LMF1: variants seen among roughly 807,000 people sequenced by gnomAD.
The protein encoded by LMF1 is transmembrane protein 112.
LMF1 carries 68 observed loss-of-function variants against 60.6 expected under a neutral mutation model. That is an observed-to-expected ratio of 1.12 (90% CI 0.92 to 1.37). The LOEUF is 1.37. Ranked by LOEUF, LMF1 falls within the 40% of genes most tolerant of loss-of-function variation. The pLI, the probability that LMF1 is intolerant of heterozygous loss-of-function variation, is 0.00. For missense variants in LMF1, 948 were observed against 767.2 expected (o/e 1.24, Z -2.78); for synonymous variants, 418 against 324.7 (o/e 1.29, Z -3.09).
chr16:901,074 C>CG (rs2070799679), intron 4 of LMF1: 1 of 142,086 alleles, frequency 7.0e-6, no homozygotes, highest in Non-Finnish European at 1.5e-5. Context: ...GGTAGGGAGT[C>CG]GGGGGAGGGT....
At chr16:926,654 C>A (rs1177769125) in intron 3 of LMF1, among the ~76,000 whole-genome samples, 1 of 152,248 alleles carries the variant, frequency 6.6e-6, no homozygotes, top group Non-Finnish European at 1.5e-5. Flanking sequence ...ACAAGCGCCA[C>A]CAAAGCTGCG....
intron 2 of LMF1, among the ~76,000 whole-genome samples, chr16:943,453 T>C (rs1357289567): frequency 6.8e-6 from 1 of 147,944 alleles, no homozygotes; most frequent in East Asian, 2.1e-4. Context: ...AGGCTGGGTG[T>C]GGTAGTTCAT....
intron 5 of LMF1, among the ~76,000 whole-genome samples, chr16:886,659 C>CGGCA (rs1297328275): frequency 0.12 from 1 of 8 alleles, no homozygotes; most frequent in Admixed American, 0.5. Context: ...TCCCCAGGCC[C>CGGCA]CTCCCACCCT....
intron 3 of LMF1, among the ~76,000 whole-genome samples, chr16:916,060 G>A (rs1404093617): frequency 3.3e-5 from 5 of 152,188 alleles, no homozygotes; most frequent in Admixed American, 1.3e-4. Context: ...GAGGGATGAG[G>A]GGCCAGTGGG....
chr16:930,810 T>C (rs1188024204), intron 3 of LMF1, among the ~76,000 whole-genome samples: 2 of 152,154 alleles, frequency 1.3e-5, no homozygotes, highest in African/African-American at 4.8e-5. Flanking sequence ...TGGCAGCCTC[T>C]GCAGACTGCT....
chr16:971,030 G>GCCCATTCT, upstream of LMF1: 1 of 1,366,066 alleles, frequency 7.3e-7, no homozygotes, highest in Non-Finnish European at 9.5e-7. Flanking sequence ...CGGAGGCCCC[G>GCCCATTCT]CCCATTCTCG....
chr16:902,387 G>C (rs1266250525), intron 4 of LMF1: 1 of 153,136 alleles, frequency 6.5e-6, no homozygotes, highest in Non-Finnish European at 1.5e-5. Context: ...AAGCCACTGA[G>C]GGAACACAGC....
intron 3 of LMF1, among the ~76,000 whole-genome samples, chr16:932,752 G>A (rs1039698827): frequency 6.6e-6 from 1 of 152,174 alleles, no homozygotes; most frequent in South Asian, 2.1e-4. Context: ...AATTTACTAA[G>A]AAAAGATTTG....
intron 1 of LMF1, chr16:976,708 G>A (rs772698126): frequency 4.4e-6 from 2 of 454,158 alleles, no homozygotes; most frequent in Non-Finnish European, 8.8e-6. Flanking sequence ...CCCGCTCCCA[G>A]CCTGGAGTGA....
chr16:931,866 T>A, intron 3 of LMF1: 1 of 1,208,120 alleles, frequency 8.3e-7, no homozygotes. Context: ...CATTAATGAG[T>A]CAACAATTCG....
At chr16:976,092 A>G in intron 1 of LMF1, 1 of 365,256 alleles carries the variant, frequency 2.7e-6, no homozygotes, top group South Asian at 2.0e-5. Flanking sequence ...ACAAACGCTG[A>G]TTTTTCTGGA....
intron 1 of LMF1, among the ~76,000 whole-genome samples, chr16:969,907 G>A (rs116938627): frequency 0.012 from 1,847 of 152,348 alleles, 25 homozygotes; most frequent in South Asian, 0.099. Context: ...GGGAGAGAGG[G>A]AGTTGGAATC....
intron 1 of LMF1, 39 bp downstream of exon 1, chr16:970,749 G>T: frequency 6.7e-7 from 1 of 1,489,222 alleles, no homozygotes; most frequent in Non-Finnish European, 9.0e-7. Flanking sequence ...GTGCGCGGAG[G>T]TGACACTGGC....
rs564221592 is a variant in LMF1 at position 921,464 on chromosome 16, C to T, written c.515-10385G>A. ...GGCACCGGCACAAAGCCAAACCCCC[C>T]GGCGGAGTGTGTGGGGGCAGGGACA... is the stretch of plus-strand genomic sequence containing the variant. On this transcript the variant is annotated intron_variant, in intron 3 of 10. Coordinates refer to ENST00000262301, the MANE Select transcript of LMF1 (RefSeq NM_022773.4). 8.5e-5 allele frequency among the ~76,000 whole-genome samples: 13 copies of T among 152,260 alleles called. No individual in the cohort carries two copies. In the East Asian group the frequency reaches 1.2e-3, roughly 14 times the overall value.
chr16:951,997 G>A (rs1312034221), intron 2 of LMF1, among the ~76,000 whole-genome samples: 3 of 151,882 alleles, frequency 2.0e-5, no homozygotes, highest in Non-Finnish European at 4.4e-5. Context: ...TCCCGTGAGA[G>A]CGCCTGACCC....
Position 874,926 on chromosome 16 carries a change from G to A in LMF1, c.898-3585C>T, listed in dbSNP as rs879458731. Among the ~76,000 whole-genome samples, 1 of 152,178 alleles carries A rather than the reference G, an allele frequency of 6.6e-6. No individual in the cohort carries two copies. The highest frequency in any genetic ancestry group is 1.5e-5 in the Non-Finnish European group (1 of 68,012). On this transcript the variant is annotated intron_variant, in intron 6 of 10. Transcript: ENST00000262301. The surrounding 1 kb of genome is among the most constrained non-coding windows in gnomAD (Gnocchi z 4.1). ...CCCCCAGACACCCTCTGCCCTGTAC[G>A]CCTGTGGGGGCAAAAGCCCTAGTTC...
At position 871,157 on chromosome 16, in the gene LMF1, C is replaced by G. The variant is rs775314707; in HGVS notation, c.1078+4G>C. ...GGGCAGGGGCCCCCAGCTGAGCCAC[C>G]TACCGAATCTGGGCTCGGGCCGGGC... is the stretch of plus-strand genomic sequence containing the variant. On this transcript the variant is annotated splice_donor_region_variant and intron_variant, in intron 7 of 10. Coordinates refer to ENST00000262301, the MANE Select transcript of LMF1 (RefSeq NM_022773.4). The G allele has an allele frequency of 2.5e-6, 4 of 1,579,220 alleles. No homozygotes were observed. The highest frequency in any genetic ancestry group is 3.4e-6 in the Non-Finnish European group (4 of 1,162,454).
Position 869,886 on chromosome 16 carries a change from G to T in LMF1, c.1413C>A (p.Phe471Leu). The T allele has an allele frequency of 6.2e-7, 1 of 1,611,384 alleles. No individual in the cohort carries two copies. Reference sequence around the variant, plus strand: ...CCCGCCAGGGACCGTCCCCCACCTGGAAGGCCGCGAACCACATCAGCCAGT... The same window carrying T: ...CCCGCCAGGGACCGTCCCCCACCTGTAAGGCCGCGAACCACATCAGCCAGT... Reference protein sequence around the residue: ...RLDWLMWFAAFQTYEHNDWII... With the variant: ...RLDWLMWFAALQTYEHNDWII... The change falls in exon 9 of 11, where the codon TTC becomes TTA. Residue 471 changes from phenylalanine (F) to leucine (L), a missense_variant. Coordinates refer to ENST00000262301, the MANE Select transcript of LMF1 (RefSeq NM_022773.4).
chr16:957,909 G>A lies in LMF1; in HGVS notation c.194-3243C>T, dbSNP rs148697727. Among the ~76,000 whole-genome samples the A allele has an allele frequency of 2.8e-3, 420 of 152,286 alleles. 5 individuals carry two copies. Among genetic ancestry groups the A allele is most frequent in the African/African-American group, 9.7e-3 (403 of 41,526 alleles). On this transcript the variant is annotated intron_variant, in intron 1 of 10. Transcript: ENST00000262301. Reference sequence around the variant, plus strand: ...TGTCATCCCAGCACTTTGGGAGGCTGAGGCAGGAGGATCGCTTGAGCCCAG... The same window carrying A: ...TGTCATCCCAGCACTTTGGGAGGCTAAGGCAGGAGGATCGCTTGAGCCCAG...
Sources: gnomAD v4.1 joint callset for allele counts (sites outside exome capture counted in the v4.1 genomes callset) on GRCh38, gnomAD v4.1.1 for gene constraint, Gnocchi (gnomAD v3.1) non-coding constraint, MANE v1.5 for transcripts, NCBI Gene and HGNC (gene_info 2026-07-23, HGNC 2026-07-21) for gene names.